DIAPH3: variants seen among roughly 807,000 people sequenced by gnomAD.
DIAPH3 encodes the protein protein diaphanous homolog 3.
DIAPH3 carries 117 observed loss-of-function variants against 144.3 expected under a neutral mutation model. The observed-to-expected ratio is 0.81, with a 90% confidence interval of 0.70 to 0.95. The LOEUF (loss-of-function observed/expected upper bound fraction) is 0.95. DIAPH3 is among the 40% of genes least tolerant of loss of function. The pLI is 0.00. For synonymous variants in DIAPH3, 519 were observed against 488.9 expected, an observed-to-expected ratio of 1.06 and a Z score of -0.81; for missense variants, 1,421 against 1,412.7, an observed-to-expected ratio of 1.01 and a Z score of -0.09.
intron 17 of DIAPH3, among the ~76,000 whole-genome samples, chr13:59,932,048 A>G (rs1048354313): frequency 9.2e-5 from 14 of 152,180 alleles, no homozygotes. Flanking sequence ...TGTATTAGTT[A>G]AAATTTTCAG....
intron 5 of DIAPH3, among the ~76,000 whole-genome samples, chr13:60,034,063 C>G (rs989912218): frequency 6.6e-6 from 1 of 152,128 alleles, no homozygotes; most frequent in Non-Finnish European, 1.5e-5. Context: ...ATAACAAGCC[C>G]AGAAAATTAA....
intron 27 of DIAPH3, among the ~76,000 whole-genome samples, chr13:59,756,121 G>A (rs925807862): frequency 6.6e-6 from 1 of 152,104 alleles, no homozygotes. Flanking sequence ...TAGTAACTCT[G>A]GGTTGAGCCC....
chr13:59,749,291 C>T (rs2036869598), intron 27 of DIAPH3, among the ~76,000 whole-genome samples: 1 of 145,974 alleles, frequency 6.9e-6, no homozygotes, highest in Admixed American at 7.0e-5. Flanking sequence ...GAGGCAGAGG[C>T]AGGTGGATCA....
chr13:60,032,433 T>C (rs2054874514), intron 5 of DIAPH3, among the ~76,000 whole-genome samples: 1 of 152,178 alleles, frequency 6.6e-6, no homozygotes, highest in Non-Finnish European at 1.5e-5. Context: ...TCCTCTAAAA[T>C]CTAGGCGGAG....
At chr13:59,781,063 A>G (rs2038710820) in intron 25 of DIAPH3, among the ~76,000 whole-genome samples, 1 of 152,248 alleles carries the variant, frequency 6.6e-6, no homozygotes, top group Non-Finnish European at 1.5e-5. Context: ...ATCCAGTAGG[A>G]ACTCTCTTTC....
intron 27 of DIAPH3, among the ~76,000 whole-genome samples, chr13:59,691,187 T>C (rs2033498615): frequency 6.6e-6 from 1 of 152,158 alleles, no homozygotes. Context: ...TTTTTAGTCA[T>C]TAAAAATTTA....
rs765002734 is a variant in DIAPH3, at chr13:60,016,002, A to G, written c.702-20T>C. On this transcript the variant is annotated intron_variant, in intron 6 of 27. Coordinates refer to ENST00000400324, the MANE Select transcript of DIAPH3 (RefSeq NM_001042517.2). ...TCTTGGCTGTATTGACATAAAAAAT[A>G]GCAGTGTTGGAATTATAATTGGACA... 1 of 1,611,410 alleles carries G rather than the reference A, an allele frequency of 6.2e-7. No homozygotes were observed. The highest frequency in any genetic ancestry group is 1.7e-5 in the Admixed American group (1 of 59,958).
intron 5 of DIAPH3, among the ~76,000 whole-genome samples, chr13:60,035,099 A>T (rs2055116798): frequency 6.6e-6 from 1 of 152,198 alleles, no homozygotes; most frequent in South Asian, 2.1e-4. Context: ...ATAGATATAG[A>T]TATAACTTTA....
intron 27 of DIAPH3, among the ~76,000 whole-genome samples, chr13:59,741,825 A>C (rs754511765): frequency 2.9e-4 from 44 of 152,148 alleles, no homozygotes; most frequent in Non-Finnish European, 5.4e-4. Flanking sequence ...AAAATGACAT[A>C]GGGGGTAAAA....
chr13:60,115,660 A>G (rs987430474), intron 2 of DIAPH3, among the ~76,000 whole-genome samples: 1 of 152,116 alleles, frequency 6.6e-6, no homozygotes, highest in Non-Finnish European at 1.5e-5. Context: ...AAGTCAATAA[A>G]TTTTGATTAA....
chr13:59,775,086 T>C (rs1053474519), intron 25 of DIAPH3, among the ~76,000 whole-genome samples: 11 of 152,220 alleles, frequency 7.2e-5, no homozygotes, highest in Non-Finnish European at 1.5e-4. Context: ...ACTGCTTTTA[T>C]AGTCCAACAG....
At chr13:59,958,310 T>C (rs2049524789) in intron 17 of DIAPH3, among the ~76,000 whole-genome samples, 1 of 152,194 alleles carries the variant, frequency 6.6e-6, no homozygotes, top group Non-Finnish European at 1.5e-5. Context: ...CCAGAGTCTC[T>C]ATCACATGAA....
chr13:59,995,344 A>G (rs2052126004), intron 9 of DIAPH3, among the ~76,000 whole-genome samples: 1 of 151,848 alleles, frequency 6.6e-6, no homozygotes, highest in African/African-American at 2.4e-5. Context: ...ATCTCTCTTA[A>G]TTTGCATGTT....
chr13:59,809,132 T>C (rs976964193), intron 25 of DIAPH3, among the ~76,000 whole-genome samples: 4 of 152,332 alleles, frequency 2.6e-5, no homozygotes, highest in Non-Finnish European at 5.9e-5. Context: ...GATCAGACCC[T>C]GGGCAAAACC....
At chr13:59,959,960 C>G (rs1252619273) in intron 17 of DIAPH3, among the ~76,000 whole-genome samples, 4 of 152,154 alleles carry the variant, frequency 2.6e-5, no homozygotes, top group African/African-American at 9.7e-5. Flanking sequence ...GTTCTCACAT[C>G]ACTGGGATAT....
At chr13:60,073,418 A>G (rs543690426) in intron 4 of DIAPH3, among the ~76,000 whole-genome samples, 64 of 152,348 alleles carry the variant, frequency 4.2e-4, no homozygotes, top group African/African-American at 1.4e-3. Flanking sequence ...AGAACTTTGC[A>G]AAATGGAAAG....
At chr13:59,703,593 T>C (rs1291744809) in intron 27 of DIAPH3, among the ~76,000 whole-genome samples, 1 of 152,192 alleles carries the variant, frequency 6.6e-6, no homozygotes, top group Non-Finnish European at 1.5e-5. Flanking sequence ...GAATTTCCAT[T>C]AGATTCTTTT....
At chr13:59,750,912 T>G (rs1342391115) in intron 27 of DIAPH3, among the ~76,000 whole-genome samples, 1 of 152,244 alleles carries the variant, frequency 6.6e-6, no homozygotes, top group African/African-American at 2.4e-5. Context: ...AGTCTTCTCT[T>G]TCCCTCTCCC....
At chr13:59,860,320 T>C (rs1452443557) in intron 22 of DIAPH3, among the ~76,000 whole-genome samples, 1 of 152,218 alleles carries the variant, frequency 6.6e-6, no homozygotes, top group Non-Finnish European at 1.5e-5. Flanking sequence ...ATATTACTAA[T>C]GACTAGTAGT....
Sources: gnomAD v4.1 joint callset for allele counts (sites outside exome capture counted in the v4.1 genomes callset) on GRCh38, gnomAD v4.1.1 for gene constraint, MANE v1.5 for transcripts, NCBI Gene and HGNC (gene_info 2026-07-23, HGNC 2026-07-21) for gene names.